Variants in ECPAS observed in about 807,000 individuals in gnomAD.
ECPAS encodes the protein Ecm29 proteasome adaptor and scaffold.
A neutral mutation model predicts 255.1 loss-of-function variants in ECPAS; 70 were observed. That is an observed-to-expected ratio of 0.27 (90% confidence interval 0.23 to 0.33). The LOEUF (loss-of-function observed/expected upper bound fraction) is 0.33, where lower values mean the gene tolerates loss of function less well. Among genes scored for constraint, ECPAS ranks in the 10% least tolerant of loss-of-function variants. The pLI, the probability that ECPAS is intolerant of heterozygous loss-of-function variation, is 1.00. For missense variants in ECPAS, 1,817 were observed against 2,206.4 expected, an observed-to-expected ratio of 0.82 and a Z score of 3.54; for synonymous variants, 784 against 775.0, an observed-to-expected ratio of 1.01 and a Z score of -0.19.
chr9:111,403,153 G>C (rs2098178701), intron 24 of ECPAS, among the ~76,000 whole-genome samples: 1 of 143,226 alleles, frequency 7.0e-6, no homozygotes, highest in South Asian at 2.2e-4. Context: ...AGGGGTTCAA[G>C]ACCAGCCTGG....
In ECPAS at chr9:111,390,164, ACAT is replaced by A. The variant is rs2098157275; in HGVS notation, c.3162-66_3162-64del. ...TTCTCTCTCTCCAGCCTAAAAAATTACATCATCAATATTACTAGGACATACTAA... is the reference window on the plus strand; with the variant it reads ...TTCTCTCTCTCCAGCCTAAAAAATTACATCAATATTACTAGGACATACTAA... On this transcript the variant is annotated intron_variant, in intron 29 of 49. Transcript: ENST00000684092. 3 of 971,704 alleles carry A rather than the reference ACAT, an allele frequency of 3.1e-6. No homozygotes were observed. The Admixed American group carries it at 6.6e-5, about 21-fold the overall frequency. The allele number at this position is 971,704 out of a possible 1,614,324, so 60.2% of individuals were successfully genotyped here.
intron 1 of ECPAS, among the ~76,000 whole-genome samples, chr9:111,476,545 T>C (rs1184220249): frequency 6.6e-6 from 1 of 151,772 alleles, no homozygotes; most frequent in Non-Finnish European, 1.5e-5. Context: ...TACCCAAAAA[T>C]CTACTATGTT....
intron 2 of ECPAS, among the ~76,000 whole-genome samples, chr9:111,467,490 C>G (rs1300318287): frequency 6.6e-6 from 1 of 152,096 alleles, no homozygotes; most frequent in Non-Finnish European, 1.5e-5. Flanking sequence ...TTCTGAGTGA[C>G]AGGTTTCAGG....
chr9:111,392,391 C>G (rs1374663209), intron 28 of ECPAS, among the ~76,000 whole-genome samples: 2 of 152,198 alleles, frequency 1.3e-5, no homozygotes, highest in African/African-American at 4.8e-5. Context: ...ACAAGGGAGG[C>G]AACATGAAGC....
intron 2 of ECPAS, among the ~76,000 whole-genome samples, chr9:111,456,925 G>C (rs748590392): frequency 2.6e-5 from 4 of 152,158 alleles, no homozygotes; most frequent in Non-Finnish European, 5.9e-5. Context: ...AGAAGGCCTA[G>C]GACAGACTGT....
intron 3 of ECPAS, among the ~76,000 whole-genome samples, chr9:111,449,573 G>A (rs760617760): frequency 6.6e-6 from 1 of 152,158 alleles, no homozygotes; most frequent in African/African-American, 2.4e-5. Flanking sequence ...TAGATGGACA[G>A]AGATGAATGA....
rs779514016 is a variant in ECPAS at position 111,372,591 on chromosome 9, T to A, written c.4366A>T (p.Thr1456Ser). The change falls in exon 42 of 50, where the codon ACT (threonine) becomes TCT (serine). Residue 1456 changes from threonine to serine, a missense_variant. Coordinates refer to ENST00000684092, the MANE Select transcript of ECPAS (RefSeq NM_001364929.1). The part of the protein sequence containing the change: ...EPIYKTSCAL[T>S]IHAIGRYSPD... ...CTGTATCGTCCAATAGCATGAATAGTCAAAGCACAAGAGGTCTTGTAGATA... is the reference window on the plus strand; with the variant it reads ...CTGTATCGTCCAATAGCATGAATAGACAAAGCACAAGAGGTCTTGTAGATA... 13 of 1,613,008 alleles carry A rather than the reference T, an allele frequency of 8.1e-6. No individual in the cohort carries two copies. The highest frequency in any genetic ancestry group is 3.4e-6 in the Non-Finnish European group (4 of 1,179,448).
At chr9:111,441,057 CAGG>C (rs2098245154) in intron 5 of ECPAS, among the ~76,000 whole-genome samples, 1 of 151,824 alleles carries the variant, frequency 6.6e-6, no homozygotes, top group African/African-American at 2.4e-5. Context: ...CAGGCTGAGG[CAGG>C]AGAATGGAGT....
intron 3 of ECPAS, among the ~76,000 whole-genome samples, chr9:111,450,711 T>C (rs529925823): frequency 2.6e-5 from 4 of 152,324 alleles, no homozygotes; most frequent in Non-Finnish European, 5.9e-5. Context: ...GTGGATTGCT[T>C]GAGCTCAGGA....
At chr9:111,436,220 T>C (rs1250747846) in intron 7 of ECPAS, among the ~76,000 whole-genome samples, 2 of 152,184 alleles carry the variant, frequency 1.3e-5, no homozygotes, top group Admixed American at 6.5e-5. Context: ...TCAAATCATT[T>C]AGACTGCCAT....
intron 12 of ECPAS, among the ~76,000 whole-genome samples, chr9:111,425,129 G>A (rs949964217): frequency 1.3e-5 from 2 of 151,698 alleles, no homozygotes; most frequent in African/African-American, 4.8e-5. Context: ...GAGGTTGCAG[G>A]GAGCTAAGAT....
chr9:111,382,930 A>C (rs781228545), intron 35 of ECPAS, among the ~76,000 whole-genome samples: 15 of 152,356 alleles, frequency 9.8e-5, no homozygotes, highest in Middle Eastern at 3.4e-3. Context: ...TAATGAACAA[A>C]CATGCTCCTG....
chr9:111,441,372 G>T (rs1365542850), intron 5 of ECPAS, among the ~76,000 whole-genome samples: 5 of 151,740 alleles, frequency 3.3e-5, no homozygotes, highest in Non-Finnish European at 7.4e-5. Context: ...GGCCATGGTA[G>T]CAGGCATCTG....
chr9:111,380,599 C>T (rs1455252880), intron 35 of ECPAS, among the ~76,000 whole-genome samples: 1 of 152,212 alleles, frequency 6.6e-6, no homozygotes, highest in African/African-American at 2.4e-5. Context: ...TGAAGCGTTG[C>T]AGCCGGGCAC....
intron 48 of ECPAS, 65 bp from the exon 49 acceptor site, chr9:111,363,724 T>C: frequency 1.3e-6 from 1 of 787,702 alleles, no homozygotes; most frequent in Non-Finnish European, 2.1e-6. Flanking sequence ...AGATTAAATT[T>C]GTGTTGCTGA....
intron 35 of ECPAS, among the ~76,000 whole-genome samples, chr9:111,379,530 T>G (rs534001728): frequency 6.6e-6 from 1 of 152,354 alleles, no homozygotes; most frequent in African/African-American, 2.4e-5. Context: ...CTGGCGTGGC[T>G]GTCGTAATTT....
At position 111,366,564 on chromosome 9, in the gene ECPAS, A is replaced by G. The variant is rs1160870105; in HGVS notation, c.5177T>C (p.Val1726Ala). The G allele has an allele frequency of 6.2e-7, 1 of 1,613,300 alleles. No homozygotes were observed. Among genetic ancestry groups the G allele is most frequent in the African/African-American group, 1.3e-5 (1 of 74,894 alleles). ...CERLKLSTWK[V>A]QLGVLQSMNA... ...CATTGATTGCAGGACTCCTAGCTGC[A>G]CTTTCCACGTGCTGAGTTTTAGCCG... The change falls in exon 47 of 50, where the codon GTG becomes GCG. Residue 1726 changes from valine (V) to alanine (A), a missense_variant. Val to Ala is a moderately conservative substitution (Grantham distance 64). Transcript: ENST00000684092.
intron 27 of ECPAS, 149 bp downstream of exon 27, chr9:111,393,531 T>C (rs3737126): frequency 0.077 from 45,473 of 592,766 alleles, 2,382 homozygotes; most frequent in East Asian, 0.2. Flanking sequence ...ATTAACATAA[T>C]GCTTATCCTT....
At chr9:111,450,627 G>A (rs1294102810) in intron 3 of ECPAS, among the ~76,000 whole-genome samples, 8 of 152,186 alleles carry the variant, frequency 5.3e-5, no homozygotes, top group South Asian at 2.1e-4. Context: ...GAACAGTTTC[G>A]TTAAAAAATG....
Sources: allele counts gnomAD v4.1 joint callset (sites outside exome capture counted in the v4.1 genomes callset), GRCh38; gene constraint gnomAD v4.1.1; transcripts MANE v1.5; gene names NCBI Gene and HGNC (gene_info 2026-07-23, HGNC 2026-07-21).